ZNF277: variants seen among roughly 807,000 people sequenced by gnomAD.
The protein encoded by ZNF277 is zinc finger protein 277.
A neutral mutation model predicts 60.7 loss-of-function variants in ZNF277; 55 were observed. The observed-to-expected ratio is 0.91, with a 90% CI of 0.73 to 1.13. The LOEUF (loss-of-function observed/expected upper bound fraction) is 1.13. Among genes scored for constraint, ZNF277 ranks in the 50% most tolerant of loss-of-function variants. The pLI is 0.00. For synonymous variants in ZNF277, 178 were observed against 179.3 expected (o/e 0.99, Z 0.06); for missense variants, 510 against 523.0 (o/e 0.98, Z 0.24).
chr7:112,246,798 G>C lies in ZNF277; in HGVS notation c.91+39991G>C, dbSNP rs1791096425. 1.3e-5 allele frequency among the ~76,000 whole-genome samples: 2 copies of C among 152,174 alleles called. 1 individual carries two copies. The highest frequency in any genetic ancestry group is 1.3e-4 in the Admixed American group (2 of 15,284). On this transcript the variant is annotated intron_variant, in intron 1 of 11. Coordinates refer to ENST00000361822, the MANE Select transcript of ZNF277 (RefSeq NM_021994.3). The stretch of plus-strand genomic sequence containing the variant: ...AAATGCTTGGCATACAGTAAGCACT[G>C]AATAAATGCTGATTTAATGAATGAC...
At chr7:112,218,242 T>G (rs1028846855) in intron 1 of ZNF277, among the ~76,000 whole-genome samples, 1 of 152,182 alleles carries the variant, frequency 6.6e-6, no homozygotes, top group Non-Finnish European at 1.5e-5. Flanking sequence ...CAGGTAACAA[T>G]GTACTGGAGG....
intron 1 of ZNF277, among the ~76,000 whole-genome samples, chr7:112,214,080 G>A (rs996208487): frequency 6.6e-6 from 1 of 152,176 alleles, no homozygotes; most frequent in African/African-American, 2.4e-5. Context: ...TGAGGGATTT[G>A]ATGGGTCAGA....
intron 1 of ZNF277, among the ~76,000 whole-genome samples, chr7:112,276,670 G>A (rs1001006369): frequency 2.0e-5 from 3 of 152,062 alleles, no homozygotes; most frequent in Admixed American, 2.0e-4. Flanking sequence ...ATTAATTATA[G>A]CAATTATTAT....
intron 1 of ZNF277, among the ~76,000 whole-genome samples, chr7:112,218,634 C>T (rs1033149283): frequency 6.6e-6 from 1 of 152,172 alleles, no homozygotes; most frequent in African/African-American, 2.4e-5. Context: ...CTCCCCCTAG[C>T]CCCTGGTACC....
chr7:112,321,657 T>C (rs1792986259), intron 5 of ZNF277, among the ~76,000 whole-genome samples: 1 of 152,150 alleles, frequency 6.6e-6, no homozygotes, highest in Non-Finnish European at 1.5e-5. Context: ...GATCTGCTAG[T>C]AATGAATTCT....
At chr7:112,217,444 C>T (rs148348492) in intron 1 of ZNF277, among the ~76,000 whole-genome samples, 82 of 152,294 alleles carry the variant, frequency 5.4e-4, no homozygotes, top group African/African-American at 1.9e-3. Context: ...CATACTGTCT[C>T]AGATCTTAGA....
intron 1 of ZNF277, among the ~76,000 whole-genome samples, chr7:112,218,009 C>T (rs1442749805): frequency 1.3e-5 from 2 of 152,132 alleles, no homozygotes; most frequent in Non-Finnish European, 2.9e-5. Flanking sequence ...TTCTGATTCC[C>T]TATCCACCAA....
At position 112,285,380 on chromosome 7, in the gene ZNF277, A is replaced by G. The variant is rs1279950189; in HGVS notation, c.92-1493A>G. Reference sequence around the variant, plus strand: ...TACCAGTGACTGATTCAATTAATTCATAAATTAAGAATGCCTTTAAAAAGA... The same window carrying G: ...TACCAGTGACTGATTCAATTAATTCGTAAATTAAGAATGCCTTTAAAAAGA... On this transcript the variant is annotated intron_variant, in intron 1 of 11. Transcript: ENST00000361822. Among the ~76,000 whole-genome samples, 4 of 151,386 alleles carry G rather than the reference A, an allele frequency of 2.6e-5. No homozygotes were observed. The East Asian group carries it at 7.8e-4, about 30-fold the overall frequency.
At chr7:112,333,717 A>AATCATTC (rs1793274393) in intron 7 of ZNF277, among the ~76,000 whole-genome samples, 1 of 152,244 alleles carries the variant, frequency 6.6e-6, no homozygotes, top group Non-Finnish European at 1.5e-5. Flanking sequence ...TTCTGTGCTG[A>AATCATTC]ATCATTCATA....
At chr7:112,271,569 A>G (rs1225249769) in intron 1 of ZNF277, among the ~76,000 whole-genome samples, 1 of 152,160 alleles carries the variant, frequency 6.6e-6, no homozygotes. Flanking sequence ...TACATTTTTT[A>G]AAAGCAGCCC....
chr7:112,237,091 A>G (rs1212210067), intron 1 of ZNF277, among the ~76,000 whole-genome samples: 1 of 152,168 alleles, frequency 6.6e-6, no homozygotes, highest in Non-Finnish European at 1.5e-5. Flanking sequence ...TCTCAAAACT[A>G]CACAAATATA....
chr7:112,244,447 G>A (rs756440118), intron 1 of ZNF277, among the ~76,000 whole-genome samples: 4 of 152,010 alleles, frequency 2.6e-5, no homozygotes, highest in Non-Finnish European at 5.9e-5. Context: ...ACCTATTGAG[G>A]TTTTAAGCAC....
At chr7:112,261,569 G>T (rs1302984275) in intron 1 of ZNF277, among the ~76,000 whole-genome samples, 1 of 151,896 alleles carries the variant, frequency 6.6e-6, no homozygotes, top group African/African-American at 2.4e-5. Context: ...TCCTTTTTTG[G>T]TGTTAACTTC....
chr7:112,208,750 G>A (rs929397771), intron 1 of ZNF277, among the ~76,000 whole-genome samples: 21 of 129,826 alleles, frequency 1.6e-4, no homozygotes, highest in Admixed American at 1.4e-3. Context: ...GCGCGATCTC[G>A]GCTCACTGCA....
intron 1 of ZNF277, among the ~76,000 whole-genome samples, chr7:112,221,266 A>T (rs1311844064): frequency 6.6e-6 from 1 of 152,110 alleles, no homozygotes; most frequent in Non-Finnish European, 1.5e-5. Context: ...GGCTTCTAAT[A>T]GAGCTGTAAC....
intron 5 of ZNF277, among the ~76,000 whole-genome samples, chr7:112,319,105 C>CTCTGAGTT (rs1335836419): frequency 6.6e-6 from 1 of 152,034 alleles, no homozygotes; most frequent in Admixed American, 6.6e-5. Flanking sequence ...CAGCAACCTA[C>CTCTGAGTT]TCTGAGTTTT....
At chr7:112,289,727 C>G (rs1325713988) in intron 2 of ZNF277, among the ~76,000 whole-genome samples, 2 of 152,072 alleles carry the variant, frequency 1.3e-5, no homozygotes, top group African/African-American at 4.8e-5. Flanking sequence ...TATTAGTCAG[C>G]TTTTCTTTAA....
At chr7:112,246,369 C>CG (rs1170568782) in intron 1 of ZNF277, among the ~76,000 whole-genome samples, 1 of 152,032 alleles carries the variant, frequency 6.6e-6, no homozygotes, top group Non-Finnish European at 1.5e-5. Context: ...ACTCCAGCCT[C>CG]GCGACAGAGC....
intron 7 of ZNF277, 77 bp from the exon 8 acceptor site, chr7:112,336,027 A>AT (rs1005000962): frequency 3.0e-5 from 39 of 1,320,428 alleles, no homozygotes; most frequent in Non-Finnish European, 4.0e-5. Context: ...TTTGGTTTTG[A>AT]TTTTTTTCAA....
Sources: allele counts gnomAD v4.1 joint callset (sites outside exome capture counted in the v4.1 genomes callset), GRCh38; gene constraint gnomAD v4.1.1; transcripts MANE v1.5; gene names NCBI Gene and HGNC (gene_info 2026-07-23, HGNC 2026-07-21).